Variants in RNF144B observed in about 807,000 individuals in gnomAD.
RNF144B encodes the protein E3 ubiquitin-protein ligase RNF144B.
Under a neutral mutation model 40.2 loss-of-function variants are expected in RNF144B, and 25 were observed. The observed-to-expected ratio is 0.62, with a 90% CI of 0.45 to 0.87. RNF144B has a LOEUF of 0.87. Ranked by LOEUF, RNF144B falls within the 40% of genes least tolerant of loss-of-function variation. RNF144B has a pLI of 0.00. For synonymous variants in RNF144B, 145 were observed against 136.3 expected, an observed-to-expected ratio of 1.06 and a Z score of -0.44; for missense variants, 365 against 373.7, an observed-to-expected ratio of 0.98 and a Z score of 0.19.
intron 2 of RNF144B, among the ~76,000 whole-genome samples, chr6:18,407,808 G>A (rs1158749847): frequency 6.6e-6 from 1 of 151,724 alleles, no homozygotes; most frequent in Non-Finnish European, 1.5e-5. Context: ...TTCTCCTATA[G>A]TGCTCAGTCC....
intron 3 of RNF144B, among the ~76,000 whole-genome samples, chr6:18,435,810 G>C (rs1758804932): frequency 6.7e-6 from 1 of 149,064 alleles, no homozygotes; most frequent in African/African-American, 2.5e-5. Flanking sequence ...CTCATAGGTG[G>C]GAATTGAACA....
In RNF144B at chr6:18,459,035, G is replaced by C. The variant is rs1347275522; in HGVS notation, c.537-572G>C. 6.6e-6 allele frequency among the ~76,000 whole-genome samples: 1 copy of C among 152,202 alleles called. No individual in the cohort carries two copies. The highest frequency in any genetic ancestry group is 1.5e-5 in the Non-Finnish European group (1 of 68,032). ...CTCTGTGAGTTGGATATCTCTGTGTGCTGGGTGGTGGTTTTGATGGGCAGT... is the reference window on the plus strand; with the variant it reads ...CTCTGTGAGTTGGATATCTCTGTGTCCTGGGTGGTGGTTTTGATGGGCAGT... On this transcript the variant is annotated intron_variant, in intron 5 of 7. Transcript: ENST00000259939. The surrounding 1 kb of genome is among the most constrained non-coding windows in gnomAD (Gnocchi z 4.2).
At position 18,387,488 on chromosome 6, in the gene RNF144B, A is replaced by G; in HGVS notation, c.-179A>G. The G allele has an allele frequency of 7.7e-7, 1 of 1,294,576 alleles. No homozygotes were observed. The highest frequency in any genetic ancestry group is 1.0e-6 in the Non-Finnish European group (1 of 992,232). 80.2% of individuals were successfully genotyped at this position (1,294,576 alleles called of 1,614,324 possible). ...GTCCTGTTGCAGTCTTGCAAAGTGT[A>G]AAGCTGTCAGCCGCAGAGCACGGAG... On this transcript the variant is annotated 5_prime_UTR_variant, in exon 1 of 8. Coordinates refer to ENST00000259939, the MANE Select transcript of RNF144B (RefSeq NM_182757.4).
intron 2 of RNF144B, among the ~76,000 whole-genome samples, chr6:18,403,949 A>G (rs1336526226): frequency 1.3e-5 from 2 of 152,176 alleles, no homozygotes; most frequent in Admixed American, 1.3e-4. Flanking sequence ...TTCCCGCAAG[A>G]ACTAATTCAT....
chr6:18,423,593 G>GAA (rs1758483810), intron 2 of RNF144B, among the ~76,000 whole-genome samples: 1 of 152,110 alleles, frequency 6.6e-6, no homozygotes, highest in South Asian at 2.1e-4. Flanking sequence ...TGATACCCTT[G>GAA]AAAGGGGTCT....
At position 18,448,576 on chromosome 6, in the gene RNF144B, T is replaced by G. The variant is rs994552563; in HGVS notation, c.332-8579T>G. On this transcript the variant is annotated intron_variant, in intron 4 of 7. Transcript: ENST00000259939. This position sits in a 1 kb window ranked among gnomAD's most constrained non-coding sequence, Gnocchi z 4.0. ...ATACCTCCCAGGTTGCATCCATTCA[T>G]AAATCATCCAGCAGATATTTATAGA... Among the ~76,000 whole-genome samples the G allele has an allele frequency of 6.6e-6, 1 of 152,146 alleles. No individual in the cohort carries two copies. Among genetic ancestry groups the G allele is most frequent in the Non-Finnish European group, 1.5e-5 (1 of 68,026 alleles).
intron 4 of RNF144B, among the ~76,000 whole-genome samples, chr6:18,453,554 T>C (rs1250730736): frequency 6.6e-6 from 1 of 152,210 alleles, no homozygotes; most frequent in Non-Finnish European, 1.5e-5. Context: ...ACTGTATGAA[T>C]GTATATTATT....
At chr6:18,401,061 A>C (rs1357035707) in intron 2 of RNF144B, among the ~76,000 whole-genome samples, 1 of 152,222 alleles carries the variant, frequency 6.6e-6, no homozygotes, top group African/African-American at 2.4e-5. Flanking sequence ...ACCCTTGCTA[A>C]TCCTTGAAAC....
At chr6:18,455,414 G>A (rs973648499) in intron 4 of RNF144B, among the ~76,000 whole-genome samples, 1 of 152,098 alleles carries the variant, frequency 6.6e-6, no homozygotes, top group Non-Finnish European at 1.5e-5. Flanking sequence ...GTATTTTATT[G>A]GAACATTTCA....
intron 3 of RNF144B, among the ~76,000 whole-genome samples, chr6:18,436,236 C>A (rs192608477): frequency 2.6e-5 from 4 of 152,232 alleles, no homozygotes; most frequent in Admixed American, 2.6e-4. Flanking sequence ...CTGGCCTGGA[C>A]TCTTCAAACT....
rs940690081 is a variant in RNF144B, at chr6:18,410,076, C to T, written c.165+10377C>T. 1.3e-5 allele frequency among the ~76,000 whole-genome samples: 2 copies of T among 152,154 alleles called. No individual in the cohort carries two copies. The highest frequency in any genetic ancestry group is 2.9e-5 in the Non-Finnish European group (2 of 68,032). ...CTTTGCCAAAGTTTAATTCTTCAAA[C>T]CACATATCAGAATGTAATAGGCTGG... On this transcript the variant is annotated intron_variant, in intron 2 of 7. Transcript: ENST00000259939. The surrounding 1 kb of genome is among the most constrained non-coding windows in gnomAD (Gnocchi z 4.6).
At chr6:18,421,328 TA>T (rs1398708061) in intron 2 of RNF144B, among the ~76,000 whole-genome samples, 1 of 137,168 alleles carries the variant, frequency 7.3e-6, no homozygotes, top group African/African-American at 2.8e-5. Context: ...ATATATAAAA[TA>T]AAATTACAGA....
chr6:18,462,299 T>C (rs2113541029), intron 6 of RNF144B, among the ~76,000 whole-genome samples: 1 of 152,340 alleles, frequency 6.6e-6, no homozygotes, highest in East Asian at 1.9e-4. Context: ...GATTTCTTAT[T>C]GGCAGAATCC....
intron 1 of RNF144B, among the ~76,000 whole-genome samples, chr6:18,394,995 C>T (rs1794666207): frequency 6.6e-6 from 1 of 152,172 alleles, no homozygotes; most frequent in Admixed American, 6.5e-5. Context: ...CTGCTACCAA[C>T]CTTAGAATGC....
intron 1 of RNF144B, among the ~76,000 whole-genome samples, chr6:18,388,463 C>G (rs900885854): frequency 6.6e-6 from 1 of 152,158 alleles, no homozygotes; most frequent in Admixed American, 6.6e-5. Flanking sequence ...TGGGATGACT[C>G]AGTTTTTAGG....
rs200527921 is a variant in RNF144B at position 18,421,271 on chromosome 6, T to TACACAC, written c.166-6309_166-6308insCACACA. 7.6e-3 allele frequency among the ~76,000 whole-genome samples: 989 copies of TACACAC among 130,960 alleles called. 10 individuals are homozygous for TACACAC. The highest frequency in any genetic ancestry group is 0.022 in the East Asian group (104 of 4,708). 85.9% of individuals were successfully genotyped at this position (130,960 alleles called of 152,430 possible). A position where few individuals can be genotyped will look rare whatever the true frequency, so the allele number is the denominator to read the frequency against. ...CATCTCAAAAAAAAAAATTATATAT[T>TACACAC]ATACACACACACACACACACACACA... is the stretch of plus-strand genomic sequence containing the variant. On this transcript the variant is annotated intron_variant, in intron 2 of 7. Coordinates refer to ENST00000259939, the MANE Select transcript of RNF144B (RefSeq NM_182757.4).
In RNF144B at chr6:18,434,160, G is replaced by A. The variant is rs117439759; in HGVS notation, c.271-5524G>A. ...CTTTTTCCTTCTGTTTGGGCTTTCCGGACTCTGATGGGTAGCAGTTCTCTA... is the reference window on the plus strand; with the variant it reads ...CTTTTTCCTTCTGTTTGGGCTTTCCAGACTCTGATGGGTAGCAGTTCTCTA... On this transcript the variant is annotated intron_variant, in intron 3 of 7. Coordinates refer to ENST00000259939, the MANE Select transcript of RNF144B (RefSeq NM_182757.4). This position sits in a 1 kb window ranked among gnomAD's most constrained non-coding sequence, Gnocchi z 4.1. Among the ~76,000 whole-genome samples the A allele has an allele frequency of 2.0e-5, 3 of 152,166 alleles. No individual in the cohort carries two copies. The highest frequency in any genetic ancestry group is 3.9e-4 in the East Asian group (2 of 5,172).
intron 2 of RNF144B, among the ~76,000 whole-genome samples, chr6:18,423,764 A>G (rs868327290): frequency 1.1e-4 from 16 of 139,152 alleles, no homozygotes; most frequent in Middle Eastern, 7.4e-3. Context: ...TTGACGAACA[A>G]TCCTTATTAT....
rs1418199440 is a variant in RNF144B at position 18,444,189 on chromosome 6, T to G, written c.331+4445T>G. 6.6e-6 allele frequency among the ~76,000 whole-genome samples: 1 copy of G among 152,204 alleles called. No individual in the cohort carries two copies. Among genetic ancestry groups the G allele is most frequent in the African/African-American group, 2.4e-5 (1 of 41,444 alleles). On this transcript the variant is annotated intron_variant, in intron 4 of 7. Transcript: ENST00000259939. This position sits in a 1 kb window ranked among gnomAD's most constrained non-coding sequence, Gnocchi z 4.3. ...GAATAGGATTGCACAAAAATCATCC[T>G]CCTGCTTACACGAAGCAAAGAAATA...
Sources: allele counts gnomAD v4.1 joint callset (sites outside exome capture counted in the v4.1 genomes callset), GRCh38; gene constraint gnomAD v4.1.1; non-coding constraint Gnocchi (gnomAD v3.1); transcripts MANE v1.5; gene names NCBI Gene and HGNC (gene_info 2026-07-23, HGNC 2026-07-21).